Variants in SLC9A2 observed in about 807,000 individuals in gnomAD.
The protein encoded by SLC9A2 is sodium/hydrogen exchanger 2.
SLC9A2 carries 42 observed loss-of-function variants against 71.7 expected under a neutral mutation model. The observed-to-expected ratio is 0.59, with a 90% CI of 0.46 to 0.76. The LOEUF (loss-of-function observed/expected upper bound fraction) is 0.76, where lower values mean the gene tolerates loss of function less well. SLC9A2 is among the 30% of genes least tolerant of loss of function. The probability of loss-of-function intolerance (pLI) is 0.00; values close to 1 mark genes in which losing one functional copy is unlikely to be tolerated. For synonymous variants in SLC9A2, 396 were observed against 392.5 expected, an observed-to-expected ratio of 1.01 and a Z score of -0.10; for missense variants, 829 against 1,017.4, an observed-to-expected ratio of 0.81 and a Z score of 2.52.
intron 11 of SLC9A2, among the ~76,000 whole-genome samples, chr2:102,706,431 C>T (rs188540299): frequency 1.3e-5 from 2 of 151,044 alleles, no homozygotes; most frequent in Admixed American, 6.6e-5. Context: ...GTTGTGGGGT[C>T]GGGGGAGTGG....
intron 1 of SLC9A2, among the ~76,000 whole-genome samples, chr2:102,622,355 C>A (rs763751436): frequency 6.6e-6 from 1 of 152,202 alleles, no homozygotes; most frequent in Non-Finnish European, 1.5e-5. Flanking sequence ...AAGGCTCCAT[C>A]GCTGGAGGGC....
rs140817227 is a variant in SLC9A2 at position 102,662,311 on chromosome 2, C to T, written c.754-2789C>T. Among the ~76,000 whole-genome samples the T allele has an allele frequency of 4.7e-4, 71 of 152,288 alleles. 1 individual carries two copies. In the East Asian group the frequency reaches 8.9e-3, roughly 19 times the overall value. On this transcript the variant is annotated intron_variant, in intron 2 of 11. Transcript: ENST00000233969. ...AATGTGCGACCCAGCTGCAGATGCC[C>T]GTTAATCTGTGGAAGGAGTACCTGG... is the stretch of plus-strand genomic sequence containing the variant.
intron 5 of SLC9A2, among the ~76,000 whole-genome samples, chr2:102,692,004 T>C (rs1196176377): frequency 8.5e-5 from 13 of 152,236 alleles, no homozygotes; most frequent in Non-Finnish European, 1.8e-4. Flanking sequence ...TTTACATTGA[T>C]TTTGTCAACT....
At chr2:102,684,000 GA>G (rs972176567) in intron 4 of SLC9A2, 133 bp from the exon 5 acceptor site, 10 of 661,112 alleles carry the variant, frequency 1.5e-5, no homozygotes, top group Admixed American at 8.4e-5. Context: ...GCAAGACAGA[GA>G]AAAAGGGGAA....
chr2:102,619,791 T>A lies in SLC9A2; in HGVS notation c.-58T>A. 7.0e-7 allele frequency: 1 copy of A among 1,420,078 alleles called. No individual in the cohort carries two copies. Among genetic ancestry groups the A allele is most frequent in the Non-Finnish European group, 9.2e-7 (1 of 1,082,452 alleles). The allele number at this position is 1,420,078 out of a possible 1,614,324, so 88.0% of individuals were successfully genotyped here. A position where few individuals can be genotyped will look rare whatever the true frequency, so the allele number is the denominator to read the frequency against. ...AGCGGGCTGAGCAGCCCGGGCGCGA[T>A]GCGTTGAGCGCTCGGAGGGCCAACC... On this transcript the variant is annotated 5_prime_UTR_variant, in exon 1 of 12. The change abolishes an upstream ATG in the 5' untranslated region. Transcript: ENST00000233969. This position sits in a 1 kb window ranked among gnomAD's most constrained non-coding sequence, Gnocchi z 4.3.
At chr2:102,659,381 C>G (rs1573412538) in intron 2 of SLC9A2, among the ~76,000 whole-genome samples, 1 of 151,922 alleles carries the variant, frequency 6.6e-6, no homozygotes, top group African/African-American at 2.4e-5. Flanking sequence ...GCGGAGGTTG[C>G]AATGAGCCAA....
intron 1 of SLC9A2, among the ~76,000 whole-genome samples, chr2:102,625,990 C>A (rs1219222229): frequency 1.3e-5 from 2 of 152,152 alleles, no homozygotes; most frequent in Non-Finnish European, 2.9e-5. Context: ...CTGTTGTTTC[C>A]TGACTTTTTA....
intron 5 of SLC9A2, among the ~76,000 whole-genome samples, chr2:102,688,467 C>T (rs756104545): frequency 4.6e-5 from 7 of 152,202 alleles, no homozygotes; most frequent in Non-Finnish European, 7.3e-5. Context: ...CAGTGGCTCA[C>T]GCCTGTAATT....
At chr2:102,627,474 G>A (rs1676272300) in intron 1 of SLC9A2, among the ~76,000 whole-genome samples, 1 of 151,694 alleles carries the variant, frequency 6.6e-6, no homozygotes. Context: ...TGTCTTCTGG[G>A]GTCAATTTTG....
intron 1 of SLC9A2, among the ~76,000 whole-genome samples, chr2:102,621,466 T>G (rs978406266): frequency 2.6e-5 from 4 of 152,172 alleles, no homozygotes; most frequent in African/African-American, 9.7e-5. Context: ...CCCAGAAACT[T>G]TCATGTTATG....
chr2:102,662,624 G>A lies in SLC9A2; in HGVS notation c.754-2476G>A, dbSNP rs1211348528. ...AGCTGTGCCTTAGAAGATAGGTAAA[G>A]GTTCCCTAGATTTAGGTGCAGGTTG... is the stretch of plus-strand genomic sequence containing the variant. On this transcript the variant is annotated intron_variant, in intron 2 of 11. Coordinates refer to ENST00000233969, the MANE Select transcript of SLC9A2 (RefSeq NM_003048.6). Among the ~76,000 whole-genome samples, 8 of 152,288 alleles carry A rather than the reference G, an allele frequency of 5.3e-5. No individual in the cohort carries two copies. In the East Asian group the frequency reaches 1.2e-3, roughly 22 times the overall value.
chr2:102,670,599 CAAAAAAAAA>C (rs66543071), intron 3 of SLC9A2, among the ~76,000 whole-genome samples: 1 of 79,978 alleles, frequency 1.3e-5, no homozygotes, highest in Non-Finnish European at 2.4e-5. Context: ...CTCCCCCCAC[CAAAAAAAAA>C]AAAAAAAAAA....
chr2:102,653,302 G>A (rs984059334), intron 1 of SLC9A2, among the ~76,000 whole-genome samples: 2 of 152,176 alleles, frequency 1.3e-5, no homozygotes, highest in African/African-American at 4.8e-5. Context: ...AAAGAAAGGA[G>A]TACAGATTTG....
rs1226558409 is a variant in SLC9A2 at position 102,695,789 on chromosome 2, T to TTA, written c.1586+686_1586+687dup. Reference sequence around the variant, plus strand: ...ATATATAATATATATTATATATATATTATATATATATTATATATATATATA... The same window carrying TTA: ...ATATATAATATATATTATATATATATTATATATATATATTATATATATATATA... On this transcript the variant is annotated intron_variant, in intron 7 of 11. Coordinates refer to ENST00000233969, the MANE Select transcript of SLC9A2 (RefSeq NM_003048.6). 4.0e-3 allele frequency among the ~76,000 whole-genome samples: 146 copies of TTA among 36,928 alleles called. 1 individual carries two copies. Among genetic ancestry groups the TTA allele is most frequent in the Non-Finnish European group, 4.9e-3 (90 of 18,464 alleles). 24.2% of individuals were successfully genotyped at this position (36,928 alleles called of 152,430 possible).
chr2:102,662,690 A>T (rs1183497390), intron 2 of SLC9A2, among the ~76,000 whole-genome samples: 1 of 151,908 alleles, frequency 6.6e-6, no homozygotes, highest in Non-Finnish European at 1.5e-5. Flanking sequence ...CAGGAGCAGG[A>T]GTGAATAAAC....
chr2:102,689,225 T>G (rs1269161811), intron 5 of SLC9A2, among the ~76,000 whole-genome samples: 1 of 152,186 alleles, frequency 6.6e-6, no homozygotes, highest in African/African-American at 2.4e-5. Flanking sequence ...TCTGCCCATG[T>G]CATGGGCTGT....
At position 102,658,318 on chromosome 2, in the gene SLC9A2, G is replaced by T. The variant is rs536592480; in HGVS notation, c.753+291G>T. Among the ~76,000 whole-genome samples, 331 of 152,220 alleles carry T rather than the reference G, an allele frequency of 2.2e-3. 2 individuals carry two copies. Among genetic ancestry groups the T allele is most frequent in the Non-Finnish European group, 4.1e-3 (276 of 68,020 alleles). Reference sequence around the variant, plus strand: ...AGCTGGTCTGTGCTGACAAGGCCCTGTTCATGCCAGAGGAACATATGATTT... The same window carrying T: ...AGCTGGTCTGTGCTGACAAGGCCCTTTTCATGCCAGAGGAACATATGATTT... On this transcript the variant is annotated intron_variant, in intron 2 of 11. Coordinates refer to ENST00000233969, the MANE Select transcript of SLC9A2 (RefSeq NM_003048.6).
Position 102,619,782 on chromosome 2 carries a change from C to G in SLC9A2, c.-67C>G, listed in dbSNP as rs1676097687. 7.2e-7 allele frequency: 1 copy of G among 1,393,668 alleles called. No individual in the cohort carries two copies. Among genetic ancestry groups the G allele is most frequent in the Non-Finnish European group, 9.4e-7 (1 of 1,060,532 alleles). 86.3% of individuals were successfully genotyped at this position (1,393,668 alleles called of 1,614,324 possible). ...GCAGGGCGGAGCGGGCTGAGCAGCC[C>G]GGGCGCGATGCGTTGAGCGCTCGGA... On this transcript the variant is annotated 5_prime_UTR_variant, in exon 1 of 12. Transcript: ENST00000233969. The surrounding 1 kb of genome is among the most constrained non-coding windows in gnomAD (Gnocchi z 4.3).
intron 1 of SLC9A2, among the ~76,000 whole-genome samples, chr2:102,652,984 G>A (rs1676862563): frequency 6.6e-6 from 1 of 152,162 alleles, no homozygotes. Context: ...ATTTTATTCT[G>A]TGAACAATGA....
Sources: gnomAD v4.1 joint callset for allele counts (sites outside exome capture counted in the v4.1 genomes callset) on GRCh38, gnomAD v4.1.1 for gene constraint, Gnocchi (gnomAD v3.1) non-coding constraint, MANE v1.5 for transcripts, NCBI Gene and HGNC (gene_info 2026-07-23, HGNC 2026-07-21) for gene names.